Variants in NXPH1 observed in about 807,000 individuals in gnomAD.
NXPH1 encodes the protein neurexophilin 1, also known as neurexophilin-1.
A neutral mutation model predicts 23.7 loss-of-function variants in NXPH1; 5 were observed. That is an observed-to-expected ratio of 0.21 (90% CI 0.11 to 0.44). NXPH1 has a LOEUF of 0.44. NXPH1 is among the 20% of genes least tolerant of loss of function. NXPH1 has a pLI of 0.99. For synonymous variants in NXPH1, 144 were observed against 122.2 expected (o/e 1.18, Z -1.18); for missense variants, 324 against 321.6 (o/e 1.01, Z -0.06).
rs187016662 is a variant in NXPH1, at chr7:8,674,254, T to C, written c.55-76754T>C. On this transcript the variant is annotated intron_variant, in intron 2 of 2. Coordinates refer to ENST00000405863, the MANE Select transcript of NXPH1 (RefSeq NM_152745.3). ...ATTCTGCAAGGCAGATATTAATAGT[T>C]CTATTGTACAAATGGAAAAATTGAA... is the stretch of plus-strand genomic sequence containing the variant. Among the ~76,000 whole-genome samples the C allele has an allele frequency of 7.9e-5, 12 of 152,036 alleles. No individual in the cohort carries two copies. In the East Asian group the frequency reaches 2.3e-3, roughly 30 times the overall value.
chr7:8,660,965 T>C (rs1820660051), intron 2 of NXPH1, among the ~76,000 whole-genome samples: 1 of 121,214 alleles, frequency 8.2e-6, no homozygotes, highest in South Asian at 3.4e-4. Flanking sequence ...CCTTTTTTTT[T>C]TTTTAAAGTA....
chr7:8,622,796 A>G (rs1389528602), intron 2 of NXPH1, among the ~76,000 whole-genome samples: 1 of 152,226 alleles, frequency 6.6e-6, no homozygotes, highest in Non-Finnish European at 1.5e-5. Context: ...GCGAAAACCT[A>G]TACAGTACAA....
chr7:8,665,906 TTTTTTCTTTTTC>T (rs367589935), intron 2 of NXPH1, among the ~76,000 whole-genome samples: 2,160 of 84,288 alleles, frequency 0.026, 87 homozygotes, highest in African/African-American at 0.054. Flanking sequence ...TAAGAGGTTT[TTTTTTCTTTTTC>T]TTTTTTTTTT....
chr7:8,573,934 G>C (rs1008290807), intron 2 of NXPH1, among the ~76,000 whole-genome samples: 2 of 152,064 alleles, frequency 1.3e-5, no homozygotes, highest in Non-Finnish European at 2.9e-5. Flanking sequence ...GGTAAAAAGT[G>C]CTAGGTCAAT....
At chr7:8,507,831 A>T (rs997163373) in intron 2 of NXPH1, among the ~76,000 whole-genome samples, 1 of 152,104 alleles carries the variant, frequency 6.6e-6, no homozygotes, top group African/African-American at 2.4e-5. Flanking sequence ...TTTGGCATAA[A>T]TTGCTACCTG....
intron 2 of NXPH1, among the ~76,000 whole-genome samples, chr7:8,667,117 C>G (rs1469654109): frequency 1.3e-5 from 2 of 151,980 alleles, no homozygotes; most frequent in Non-Finnish European, 2.9e-5. Flanking sequence ...GTTTTTAATG[C>G]CACAGTTTAA....
intron 2 of NXPH1, among the ~76,000 whole-genome samples, chr7:8,597,884 C>T (rs1011510098): frequency 2.0e-5 from 3 of 152,090 alleles, no homozygotes; most frequent in African/African-American, 7.2e-5. Context: ...AAACAAGTGG[C>T]ACTACCAAAT....
chr7:8,478,541 T>A (rs1390507819), intron 2 of NXPH1, among the ~76,000 whole-genome samples: 1 of 152,038 alleles, frequency 6.6e-6, no homozygotes, highest in African/African-American at 2.4e-5. Context: ...AACATAAGTA[T>A]AATGGAAATT....
intron 2 of NXPH1, among the ~76,000 whole-genome samples, chr7:8,545,111 C>G (rs1387956709): frequency 6.6e-6 from 1 of 151,514 alleles, no homozygotes; most frequent in East Asian, 1.9e-4. Context: ...AGGGAAATGT[C>G]TCTTCAGTGC....
intron 2 of NXPH1, among the ~76,000 whole-genome samples, chr7:8,592,825 T>C (rs914366736): frequency 3.7e-5 from 5 of 134,460 alleles, no homozygotes; most frequent in African/African-American, 1.6e-4. Flanking sequence ...TGTGAAATAG[T>C]CTTTTTTTTT....
chr7:8,741,552 G>A lies in NXPH1; in HGVS notation c.55-9456G>A, dbSNP rs145727729. ...TACAGCTGTTCCCTTTCTCCACATC[G>A]TGTTCAGCACTGATTATTGTTTGAC... On this transcript the variant is annotated intron_variant, in intron 2 of 2. Transcript: ENST00000405863. Among the ~76,000 whole-genome samples the A allele has an allele frequency of 3.9e-3, 590 of 152,098 alleles. 4 individuals are homozygous for A. The highest frequency in any genetic ancestry group is 6.4e-3 in the Non-Finnish European group (435 of 67,938).
chr7:8,726,051 C>G (rs1780047410), intron 2 of NXPH1, among the ~76,000 whole-genome samples: 1 of 152,110 alleles, frequency 6.6e-6, no homozygotes, highest in African/African-American at 2.4e-5. Context: ...TTAATTTAGG[C>G]ATATTGTATC....
intron 2 of NXPH1, among the ~76,000 whole-genome samples, chr7:8,686,407 C>T (rs1038499511): frequency 6.6e-6 from 1 of 152,020 alleles, no homozygotes; most frequent in Admixed American, 6.6e-5. Context: ...CCTGTTTAGG[C>T]ATAAACAAAT....
rs536111025 is a variant in NXPH1, at chr7:8,532,477, G to T, written c.54+96710G>T. ...CCTTTCATATTTTTTTTGGGGGGGG[G>T]GGAGGGGGCTGCTTTTTACAGGGCT... On this transcript the variant is annotated intron_variant, in intron 2 of 2. Transcript: ENST00000405863. Among the ~76,000 whole-genome samples, 422 of 138,084 alleles carry T rather than the reference G, an allele frequency of 3.1e-3. 2 individuals are homozygous for T. The highest frequency in any genetic ancestry group is 0.01 in the African/African-American group (380 of 37,784). 90.6% of individuals were successfully genotyped at this position (138,084 alleles called of 152,430 possible).
intron 2 of NXPH1, among the ~76,000 whole-genome samples, chr7:8,492,890 C>T (rs948865346): frequency 6.6e-6 from 1 of 151,948 alleles, no homozygotes; most frequent in Non-Finnish European, 1.5e-5. Flanking sequence ...TGATTATTTC[C>T]CTTGTAGCCA....
chr7:8,448,211 G>C (rs1424940463), intron 2 of NXPH1, among the ~76,000 whole-genome samples: 1 of 152,222 alleles, frequency 6.6e-6, no homozygotes, highest in Non-Finnish European at 1.5e-5. Context: ...CCACCCATTA[G>C]AGTTATTATT....
At chr7:8,566,463 T>C (rs937674758) in intron 2 of NXPH1, among the ~76,000 whole-genome samples, 1 of 151,702 alleles carries the variant, frequency 6.6e-6, no homozygotes, top group African/African-American at 2.4e-5. Flanking sequence ...TGAGTTTGAG[T>C]GGACTAAGTA....
At chr7:8,717,030 C>T (rs1779889650) in intron 2 of NXPH1, among the ~76,000 whole-genome samples, 1 of 152,148 alleles carries the variant, frequency 6.6e-6, no homozygotes, top group South Asian at 2.1e-4. Context: ...TGAATTGCAC[C>T]CCAAGAAATA....
At chr7:8,612,984 T>C (rs141785647) in intron 2 of NXPH1, among the ~76,000 whole-genome samples, 149 of 152,170 alleles carry the variant, frequency 9.8e-4, no homozygotes, top group African/African-American at 3.2e-3. Flanking sequence ...AGACTAACTT[T>C]CAATTTTCTG....
Sources: allele counts gnomAD v4.1 joint callset (sites outside exome capture counted in the v4.1 genomes callset), GRCh38; gene constraint gnomAD v4.1.1; transcripts MANE v1.5; gene names NCBI Gene and HGNC (gene_info 2026-07-23, HGNC 2026-07-21).